Variants in TRRAP observed in about 807,000 individuals in gnomAD.
TRRAP encodes the protein transformation/transcription domain-associated protein.
A neutral mutation model predicts 438.8 loss-of-function variants in TRRAP; 41 were observed. The ratio of observed to expected loss-of-function variants is 0.09; its 90% CI spans 0.07 to 0.12. The LOEUF (loss-of-function observed/expected upper bound fraction) is 0.12. Ranked by LOEUF, TRRAP falls within the 10% of genes least tolerant of loss-of-function variation. TRRAP has a pLI of 1.00. For synonymous variants in TRRAP, 1,994 were observed against 1,962.9 expected (o/e 1.02, Z -0.42); for missense variants, 3,122 against 5,055.1 (o/e 0.62, Z 11.60).
intron 67 of TRRAP, chr7:98,999,077 C>T (rs1035207161): frequency 6.0e-5 from 70 of 1,165,756 alleles, no homozygotes; most frequent in Non-Finnish European, 7.6e-5. Context: ...GCAGAGAACT[C>T]TGCTTCCGCT....
At position 98,992,159 on chromosome 7, in the gene TRRAP, C is replaced by T. The variant is rs1793455180; in HGVS notation, c.9779C>T (p.Ala3260Val). 2.5e-6 allele frequency: 4 copies of T among 1,614,096 alleles called. No homozygotes were observed. The highest frequency in any genetic ancestry group is 2.2e-5 in the East Asian group (1 of 44,894). ...CAGGTTGGACGCGTGTATCCCCAAG[C>T]GGTCTACTTTCCCATCCGGACCCTG... ...ISQVGRVYPQ[A>V]VYFPIRTLYL... is the part of the protein sequence containing the mutation. Residue 3260 changes from alanine to valine, a missense_variant, in exon 65 of 73, where the codon GCG becomes GTG. By Grantham distance (64) the Ala-to-Val change is moderately conservative. This residue lies in a region of TRRAP where 107 missense variants were observed against 327.5 expected (regional missense o/e 0.33). Transcript: ENST00000456197.
rs1795267119 is a variant in TRRAP, at chr7:98,878,577, T to G, written c.-122T>G. The G allele has an allele frequency of 6.6e-6, 1 of 150,806 alleles. No homozygotes were observed. Among genetic ancestry groups the G allele is most frequent in the Non-Finnish European group, 1.5e-5 (1 of 67,656 alleles). 9.3% of individuals were successfully genotyped at this position (150,806 alleles called of 1,614,324 possible). A position where few individuals can be genotyped will look rare whatever the true frequency, so the allele number is the denominator to read the frequency against. On this transcript the variant is annotated 5_prime_UTR_variant, in exon 1 of 73. Coordinates refer to ENST00000456197, the MANE Select transcript of TRRAP (RefSeq NM_001375524.1). ...GCGGCCGAGCGGTTGCGACGAGGGC[T>G]CGGCTGGGGGTCGCCGGGGTCGCGG...
At chr7:98,942,316 C>A (rs2237597) in intron 30 of TRRAP, among the ~76,000 whole-genome samples, 3 of 152,044 alleles carry the variant, frequency 2.0e-5, no homozygotes, top group Non-Finnish European at 2.9e-5. Flanking sequence ...CTAGGGTCCC[C>A]ATTGTGCCCA....
chr7:98,993,419 G>T, intron 65 of TRRAP, 119 bp from the exon 66 acceptor site: 2 of 1,107,002 alleles, frequency 1.8e-6, no homozygotes, highest in Non-Finnish European at 2.6e-6. Flanking sequence ...AAGCGGTCTT[G>T]TAGGGATTCA....
At chr7:99,010,191 T>G (rs1282690925) in intron 70 of TRRAP, among the ~76,000 whole-genome samples, 12 of 152,316 alleles carry the variant, frequency 7.9e-5, no homozygotes, top group Admixed American at 6.5e-5. Flanking sequence ...CAGCCCAGGC[T>G]TTTTTGTTTT....
rs1428635215 is a variant in TRRAP at position 98,989,036 on chromosome 7, A to C, written c.9591+70A>C. 29 of 1,516,844 alleles carry C rather than the reference A, an allele frequency of 1.9e-5. 1 individual carries two copies. In the East Asian group the frequency reaches 4.1e-4, roughly 21 times the overall value. The allele number at this position is 1,516,844 out of a possible 1,614,324, so 94.0% of individuals were successfully genotyped here. The stretch of plus-strand genomic sequence containing the variant: ...TTCAGATTTGGACAGAAATTTAGCT[A>C]TAGTTTACTCATCCGTGCCGGGTGT... On this transcript the variant is annotated intron_variant, in intron 63 of 72. Coordinates refer to ENST00000456197, the MANE Select transcript of TRRAP (RefSeq NM_001375524.1).
At chr7:98,935,523 G>C in intron 27 of TRRAP, 56 bp from the exon 28 acceptor site, 1 of 1,503,578 alleles carries the variant, frequency 6.7e-7, no homozygotes, top group Non-Finnish European at 9.2e-7. Flanking sequence ...TATTTGCAAG[G>C]TTATTATGTC....
intron 11 of TRRAP, among the ~76,000 whole-genome samples, chr7:98,901,750 T>C (rs1044971933): frequency 1.3e-5 from 2 of 152,192 alleles, no homozygotes; most frequent in Admixed American, 6.5e-5. Flanking sequence ...GGTTTGGCCA[T>C]GTTGCCCAGG....
chr7:98,928,542 GCTT>G (rs782155675), intron 23 of TRRAP, among the ~76,000 whole-genome samples: 1 of 152,146 alleles, frequency 6.6e-6, no homozygotes, highest in African/African-American at 2.4e-5. Flanking sequence ...GCAAAACTAA[GCTT>G]CTCAGTAACT....
rs1198126351 is a variant in TRRAP at position 98,893,898 on chromosome 7, C to T, written c.450+17C>T. On this transcript the variant is annotated intron_variant, in intron 6 of 72. Coordinates refer to ENST00000456197, the MANE Select transcript of TRRAP (RefSeq NM_001375524.1). ...ACACAAGAAGTAAGTTGTTTAAAATCCTTATAGCATTTATAAAGTGTGTCA... is the reference window on the plus strand; with the variant it reads ...ACACAAGAAGTAAGTTGTTTAAAATTCTTATAGCATTTATAAAGTGTGTCA... 3 of 1,609,306 alleles carry T rather than the reference C, an allele frequency of 1.9e-6. No homozygotes were observed. The highest frequency in any genetic ancestry group is 2.7e-5 in the African/African-American group (2 of 74,618).
At position 98,994,124 on chromosome 7, in the gene TRRAP, C is replaced by A. The variant is rs1466046551; in HGVS notation, c.10047+387C>A. ...GGTCTTTTCAGCAGTCAGACCACTTCCTTAATAACGTTGGCTTAAGCTGAT... is the reference window on the plus strand; with the variant it reads ...GGTCTTTTCAGCAGTCAGACCACTTACTTAATAACGTTGGCTTAAGCTGAT... On this transcript the variant is annotated intron_variant, in intron 66 of 72. Coordinates refer to ENST00000456197, the MANE Select transcript of TRRAP (RefSeq NM_001375524.1). This position sits in a 1 kb window ranked among gnomAD's most constrained non-coding sequence, Gnocchi z 4.8. 1.3e-5 allele frequency among the ~76,000 whole-genome samples: 2 copies of A among 152,176 alleles called. No homozygotes were observed. Among genetic ancestry groups the A allele is most frequent in the Non-Finnish European group, 2.9e-5 (2 of 68,040 alleles).
Position 98,910,221 on chromosome 7 carries a change from C to CT in TRRAP, c.1516_1517insT (p.Pro506LeufsTer67). 6.6e-7 allele frequency: 1 copy of CT among 1,507,528 alleles called. No individual in the cohort carries two copies. The highest frequency in any genetic ancestry group is 8.9e-7 in the Non-Finnish European group (1 of 1,128,348). 93.4% of individuals were successfully genotyped at this position (1,507,528 alleles called of 1,614,324 possible). A position where few individuals can be genotyped will look rare whatever the true frequency, so the allele number is the denominator to read the frequency against. On this transcript the variant is annotated frameshift_variant, in exon 15 of 73. Coordinates refer to ENST00000456197, the MANE Select transcript of TRRAP (RefSeq NM_001375524.1). LOFTEE classifies it high-confidence loss of function. ...TCCCTCCCCAGCCCCTGTCCCTGCCCCACCTCCACCCCCGCCCCCACCCCC... is the reference window on the plus strand; with the variant it reads ...TCCCTCCCCAGCCCCTGTCCCTGCCCTCACCTCCACCCCCGCCCCCACCCCC...
rs375735930 is a variant in TRRAP at position 98,921,771 on chromosome 7, C to T, written c.2641C>T (p.Arg881Cys). 40 of 1,614,086 alleles carry T rather than the reference C, an allele frequency of 2.5e-5. No individual in the cohort carries two copies. Among genetic ancestry groups the T allele is most frequent in the Non-Finnish European group, 3.1e-5 (36 of 1,180,052 alleles). ...TTTTCAGGCTCTGTGGCGCACCTTA[C>T]GCAACCCTGCTGACAGCATCTCCCA... is the stretch of plus-strand genomic sequence containing the variant. The part of the protein sequence containing the change: ...ELMQALWRTL[R>C]NPADSISHVA... Residue 881 changes from arginine (R) to cysteine (C), a missense_variant, in exon 21 of 73, where the codon CGC (arginine) becomes TGC (cysteine). By Grantham distance (180) the Arg-to-Cys change is radical. This residue lies in a region of TRRAP where 133 missense variants were observed against 188.6 expected (regional missense o/e 0.71). Transcript: ENST00000456197.
intron 20 of TRRAP, among the ~76,000 whole-genome samples, chr7:98,919,539 C>G (rs1243315925): frequency 1.3e-5 from 2 of 152,132 alleles, no homozygotes; most frequent in African/African-American, 4.8e-5. Flanking sequence ...GAGGTTGAGG[C>G]TACAGTGAGA....
At chr7:98,996,253 C>T (rs957098438) in intron 67 of TRRAP, among the ~76,000 whole-genome samples, 3 of 152,080 alleles carry the variant, frequency 2.0e-5, no homozygotes, top group Non-Finnish European at 2.9e-5. Flanking sequence ...ACATCCACCG[C>T]GGTGCGCACA....
chr7:98,994,844 G>T lies in TRRAP; in HGVS notation c.10305G>T (p.Thr3435=). The T allele has an allele frequency of 1.2e-6, 2 of 1,608,830 alleles. No homozygotes were observed. The highest frequency in any genetic ancestry group is 2.2e-5 in the South Asian group (2 of 91,012). The change falls in exon 67 of 73, where the codon ACG becomes ACT. Residue 3435 remains threonine (T), a synonymous_variant. Coordinates refer to ENST00000456197, the MANE Select transcript of TRRAP (RefSeq NM_001375524.1). This position sits in a 1 kb window ranked among gnomAD's most constrained non-coding sequence, Gnocchi z 4.8. ...PVFQKLKGQF[T]TDFDFSVPGS... is the part of the protein sequence containing the mutation. ...TTCAGAAGCTGAAAGGCCAGTTCAC[G>T]ACGGGTGAGTCTCCATTTTCCTTCC...
At chr7:98,999,524 C>T in intron 67 of TRRAP, 1 of 727,554 alleles carries the variant, frequency 1.4e-6, no homozygotes, top group Non-Finnish European at 2.5e-6. Context: ...TTGGGGTGCA[C>T]CAGGGTCTCT....
At chr7:98,977,362 A>C (rs1234088385) in intron 56 of TRRAP, among the ~76,000 whole-genome samples, 1 of 152,126 alleles carries the variant, frequency 6.6e-6, no homozygotes, top group Non-Finnish European at 1.5e-5. Context: ...GGGTTTTGCC[A>C]TGTTGGCCGT....
intron 53 of TRRAP, among the ~76,000 whole-genome samples, chr7:98,972,705 A>C (rs536590343): frequency 3.3e-5 from 5 of 152,242 alleles, no homozygotes; most frequent in African/African-American, 4.8e-5. Context: ...CTGTTCTTTC[A>C]GGAGCTGGGT....
Sources: gnomAD v4.1 joint callset for allele counts (sites outside exome capture counted in the v4.1 genomes callset) on GRCh38, gnomAD v4.1.1 for gene constraint, gnomAD v4.1.1 regional missense constraint, Gnocchi (gnomAD v3.1) non-coding constraint, MANE v1.5 for transcripts, NCBI Gene and HGNC (gene_info 2026-07-23, HGNC 2026-07-21) for gene names.